Variants in MALRD1 observed in about 807,000 individuals in gnomAD.
MALRD1 encodes the protein MAM and LDL-receptor class A domain-containing protein 1.
A neutral mutation model predicts 242.1 loss-of-function variants in MALRD1; 247 were observed. That is an observed-to-expected ratio of 1.02 (90% confidence interval 0.92 to 1.13). The LOEUF is 1.13. Among genes scored for constraint, MALRD1 ranks in the 50% most tolerant of loss-of-function variants. The pLI, the probability that MALRD1 is intolerant of heterozygous loss-of-function variation, is 0.00. For missense variants in MALRD1, 2,989 were observed against 2,533.1 expected (o/e 1.18, Z -3.86); for synonymous variants, 995 against 866.6 (o/e 1.15, Z -2.60).
chr10:19,328,854 T>A (rs1843244291), intron 23 of MALRD1, among the ~76,000 whole-genome samples: 1 of 152,112 alleles, frequency 6.6e-6, no homozygotes, highest in African/African-American at 2.4e-5. Flanking sequence ...ATTAGAGGGA[T>A]CCCAACTGTT....
chr10:19,639,881 A>G (rs931915382), intron 36 of MALRD1, among the ~76,000 whole-genome samples: 1 of 152,116 alleles, frequency 6.6e-6, no homozygotes, highest in Non-Finnish European at 1.5e-5. Context: ...CTTTGTATCT[A>G]TATTTTACAT....
chr10:19,546,926 T>C (rs1041498326), intron 32 of MALRD1, among the ~76,000 whole-genome samples: 4 of 152,208 alleles, frequency 2.6e-5, no homozygotes, highest in African/African-American at 9.6e-5. Flanking sequence ...ATTTACAACT[T>C]TTGAAGAACC....
At chr10:19,733,982 G>A (rs959194325) in intron 39 of MALRD1, among the ~76,000 whole-genome samples, 175 bp from the exon 40 acceptor site, 2 of 152,100 alleles carry the variant, frequency 1.3e-5, no homozygotes, top group South Asian at 2.1e-4. Flanking sequence ...CTAGGCTTGT[G>A]TCAGAAACTC....
chr10:19,567,859 T>C (rs1489527369), intron 33 of MALRD1, among the ~76,000 whole-genome samples, 156 bp downstream of exon 33: 1 of 152,240 alleles, frequency 6.6e-6, no homozygotes, highest in Non-Finnish European at 1.5e-5. Context: ...AAAGTTTCTC[T>C]GCCTATGAAC....
chr10:19,274,422 G>A (rs1840401222), intron 19 of MALRD1, among the ~76,000 whole-genome samples: 1 of 152,138 alleles, frequency 6.6e-6, no homozygotes, highest in African/African-American at 2.4e-5. Context: ...AATTAGGTCA[G>A]GAGAGTAAAG....
At position 19,237,679 on chromosome 10, in the gene MALRD1, A is replaced by G. The variant is rs1312274815; in HGVS notation, c.2992-20005A>G. Among the ~76,000 whole-genome samples, 7 of 118,288 alleles carry G rather than the reference A, an allele frequency of 5.9e-5. No homozygotes were observed. In the South Asian group the frequency reaches 9.2e-4, roughly 16 times the overall value. 77.6% of individuals were successfully genotyped at this position (118,288 alleles called of 152,430 possible). A position where few individuals can be genotyped will look rare whatever the true frequency, so the allele number is the denominator to read the frequency against. Reference sequence around the variant, plus strand: ...TTATATATAAATTATATAATTATATATAATTTATATATAAATACATAATTA... The same window carrying G: ...TTATATATAAATTATATAATTATATGTAATTTATATATAAATACATAATTA... On this transcript the variant is annotated intron_variant, in intron 18 of 39. Coordinates refer to ENST00000454679, the MANE Select transcript of MALRD1 (RefSeq NM_001142308.3).
chr10:19,474,742 A>C (rs1353148054), intron 29 of MALRD1, among the ~76,000 whole-genome samples: 4 of 152,160 alleles, frequency 2.6e-5, no homozygotes, highest in African/African-American at 7.2e-5. Context: ...ACAACAACAA[A>C]AAAAATTAGA....
chr10:19,488,658 T>G, intron 29 of MALRD1: 1 of 184,268 alleles, frequency 5.4e-6, no homozygotes, highest in Non-Finnish European at 1.2e-5. Flanking sequence ...AGTCATAGGA[T>G]ATAGAACAAT....
At chr10:19,405,171 G>A (rs549343424) in intron 28 of MALRD1, among the ~76,000 whole-genome samples, 13 of 152,110 alleles carry the variant, frequency 8.5e-5, no homozygotes, top group African/African-American at 1.2e-4. Flanking sequence ...GTAAGAATGC[G>A]TCAACATCTT....
intron 2 of MALRD1, among the ~76,000 whole-genome samples, chr10:19,071,261 A>G (rs921090232): frequency 6.6e-6 from 1 of 151,914 alleles, no homozygotes; most frequent in Non-Finnish European, 1.5e-5. Context: ...CATTTTGGCC[A>G]GAGACTTGGA....
At chr10:19,155,358 G>A (rs182272839) in intron 12 of MALRD1, among the ~76,000 whole-genome samples, 186 bp downstream of exon 12, 17 of 152,216 alleles carry the variant, frequency 1.1e-4, no homozygotes, top group Non-Finnish European at 2.1e-4. Context: ...CACATAACTG[G>A]CACCATTCTT....
chr10:19,398,917 A>G (rs947553425), intron 28 of MALRD1, among the ~76,000 whole-genome samples: 4 of 152,228 alleles, frequency 2.6e-5, no homozygotes, highest in Non-Finnish European at 4.4e-5. Flanking sequence ...GCAAAGAGCT[A>G]TTTCAGCCAA....
intron 7 of MALRD1, among the ~76,000 whole-genome samples, chr10:19,125,318 CTTCCTTCTTTCTTTCTTTCTTTCT>C (rs1837231873): frequency 2.5e-5 from 2 of 80,166 alleles, no homozygotes; most frequent in African/African-American, 1.2e-4. Context: ...TCCTTCCTTC[CTTCCTTCTTTCTTTCTTTCTTTCT>C]TTCTTTCTTT....
chr10:19,258,883 C>T (rs984143331), intron 19 of MALRD1, among the ~76,000 whole-genome samples: 8 of 152,130 alleles, frequency 5.3e-5, no homozygotes, highest in Admixed American at 2.6e-4. Flanking sequence ...GTATACCTCC[C>T]TATCTCAGCA....
At chr10:19,447,773 A>G (rs2131024378) in intron 28 of MALRD1, among the ~76,000 whole-genome samples, 1 of 152,276 alleles carries the variant, frequency 6.6e-6, no homozygotes, top group Non-Finnish European at 1.5e-5. Flanking sequence ...TTAATTAACC[A>G]TCCCTTTGAT....
intron 26 of MALRD1, among the ~76,000 whole-genome samples, chr10:19,371,107 A>AG (rs891950998): frequency 1.4e-4 from 21 of 150,350 alleles, no homozygotes; most frequent in South Asian, 1.3e-3. Flanking sequence ...AAAAAAAAAA[A>AG]AAAGAAAAAG....
chr10:19,537,425 G>T (rs570965017), intron 32 of MALRD1, among the ~76,000 whole-genome samples: 1 of 128,340 alleles, frequency 7.8e-6, no homozygotes, highest in Non-Finnish European at 1.5e-5. Flanking sequence ...CAAGGGGCTG[G>T]CAAGTTTGGT....
chr10:19,488,169 AAAT>A (rs1837316472), intron 29 of MALRD1, among the ~76,000 whole-genome samples: 1 of 152,216 alleles, frequency 6.6e-6, no homozygotes, highest in Non-Finnish European at 1.5e-5. Flanking sequence ...ATATCTGATG[AAAT>A]AATATTTAAA....
intron 29 of MALRD1, among the ~76,000 whole-genome samples, chr10:19,454,608 C>T (rs986528072): frequency 1.3e-5 from 2 of 150,922 alleles, no homozygotes; most frequent in African/African-American, 4.9e-5. Flanking sequence ...ATTGTAAATG[C>T]AGAAGCTCCT....
Sources: allele counts gnomAD v4.1 joint callset (sites outside exome capture counted in the v4.1 genomes callset), GRCh38; gene constraint gnomAD v4.1.1; transcripts MANE v1.5; gene names NCBI Gene and HGNC (gene_info 2026-07-23, HGNC 2026-07-21).